PIGU: variants seen among roughly 807,000 people sequenced by gnomAD.
PIGU encodes the protein GPI-anchor transamidase component PIGU.
PIGU carries 24 observed loss-of-function variants against 49.9 expected under a neutral mutation model. The observed-to-expected ratio is 0.48, with a 90% CI of 0.35 to 0.68. The LOEUF is 0.68. PIGU is among the 30% of genes least tolerant of loss of function. The probability of loss-of-function intolerance (pLI) is 0.01; values close to 1 mark genes in which losing one functional copy is unlikely to be tolerated. For synonymous variants in PIGU, 220 were observed against 205.7 expected (o/e 1.07, Z -0.59); for missense variants, 490 against 532.6 (o/e 0.92, Z 0.79).
chr20:34,626,554 C>T (rs1265157170), intron 6 of PIGU, among the ~76,000 whole-genome samples: 3 of 152,088 alleles, frequency 2.0e-5, no homozygotes, highest in African/African-American at 4.8e-5. Flanking sequence ...CCACCTGCCT[C>T]GGCATCCCAA....
At chr20:34,657,346 C>T (rs1568661902) in intron 1 of PIGU, 102 bp from the exon 2 acceptor site, 1 of 761,070 alleles carries the variant, frequency 1.3e-6, no homozygotes, top group South Asian at 1.6e-5. Context: ...GTTTATCTAA[C>T]CCCCTTTACC....
chr20:34,666,687 C>CTTTTTTTTTT (rs918644106), intron 1 of PIGU, among the ~76,000 whole-genome samples: 1 of 90,604 alleles, frequency 1.1e-5, no homozygotes, highest in Non-Finnish European at 2.2e-5. Context: ...CTGACTAATT[C>CTTTTTTTTTT]TTTTTTTTTT....
chr20:34,673,537 T>C (rs1255354338), intron 1 of PIGU, among the ~76,000 whole-genome samples: 1 of 152,186 alleles, frequency 6.6e-6, no homozygotes, highest in African/African-American at 2.4e-5. Context: ...GACCTAAACC[T>C]GTCAGTATTG....
At chr20:34,645,449 T>C (rs1042886919) in intron 2 of PIGU, 115 bp from the exon 3 acceptor site, 6 of 1,310,494 alleles carry the variant, frequency 4.6e-6, no homozygotes, top group Middle Eastern at 4.2e-4. Flanking sequence ...ATGCTAGTAT[T>C]CTCCTTCCTG....
intron 2 of PIGU, among the ~76,000 whole-genome samples, chr20:34,648,716 T>C (rs1986435965): frequency 1.3e-5 from 2 of 151,840 alleles, no homozygotes; most frequent in South Asian, 4.2e-4. Flanking sequence ...ACCCAGATAA[T>C]TTTTGTATTT....
At chr20:34,583,634 G>A (rs1291153871) in intron 9 of PIGU, among the ~76,000 whole-genome samples, 2 of 152,342 alleles carry the variant, frequency 1.3e-5, no homozygotes, top group East Asian at 3.9e-4. Context: ...CGGCCAGTGC[G>A]GAAAGGTGCC....
Position 34,677,071 on chromosome 20 carries a change from C to T in PIGU, c.15G>A (p.Leu5=), listed in dbSNP as rs371637416. Residue 5 remains leucine, a synonymous_variant, in exon 1 of 12, where the codon TTG becomes TTA. Coordinates refer to ENST00000217446, the MANE Select transcript of PIGU (RefSeq NM_080476.5). MAAP[L]VLVLVVAVTV... ...TCACAGCCACCACCAGCACCAGGAC[C>T]AAGGGAGCCGCCATGATAACTGGGG... 1.2e-5 allele frequency: 18 copies of T among 1,564,678 alleles called. No homozygotes were observed. The African/African-American group carries it at 2.2e-4, about 19-fold the overall frequency.
chr20:34,591,039 A>ATAT (rs71194625), intron 7 of PIGU, among the ~76,000 whole-genome samples: 39 of 150,416 alleles, frequency 2.6e-4, no homozygotes, highest in Middle Eastern at 3.4e-3. Flanking sequence ...GAGAAAAAAA[A>ATAT]ATATATATAT....
rs1201557820 is a variant in PIGU, at chr20:34,634,219, A to C, written c.529+396T>G. 2.6e-5 allele frequency among the ~76,000 whole-genome samples: 4 copies of C among 152,156 alleles called. No homozygotes were observed. The East Asian group carries it at 7.7e-4, about 29-fold the overall frequency. Reference sequence around the variant, plus strand: ...CCCAAGTAGTTGGGACTACAGGTACATGCCACTGTGCCAGGCTAATTTTTT... The same window carrying C: ...CCCAAGTAGTTGGGACTACAGGTACCTGCCACTGTGCCAGGCTAATTTTTT... On this transcript the variant is annotated intron_variant, in intron 6 of 11. Transcript: ENST00000217446.
At chr20:34,597,098 C>T (rs1256679626) in intron 7 of PIGU, among the ~76,000 whole-genome samples, 1 of 152,096 alleles carries the variant, frequency 6.6e-6, no homozygotes, top group African/African-American at 2.4e-5. Context: ...TCTAGCAAAG[C>T]TAAACGTACA....
intron 1 of PIGU, among the ~76,000 whole-genome samples, chr20:34,674,664 TG>T (rs1176279916): frequency 6.6e-6 from 1 of 152,056 alleles, no homozygotes; most frequent in Non-Finnish European, 1.5e-5. Context: ...TGGTAGCTTA[TG>T]CCTGTAATCC....
intron 6 of PIGU, among the ~76,000 whole-genome samples, chr20:34,631,785 ATTTTTTTTTTTTTT>A (rs1166878990): frequency 1.4e-3 from 9 of 6,444 alleles, no homozygotes; most frequent in Non-Finnish European, 1.5e-3. Flanking sequence ...ATATATATAT[ATTTTTTTTTTTTTT>A]TTTTTTTTTT....
chr20:34,583,802 C>G (rs1285605805), intron 9 of PIGU, among the ~76,000 whole-genome samples: 1 of 152,182 alleles, frequency 6.6e-6, no homozygotes, highest in Non-Finnish European at 1.5e-5. Flanking sequence ...AGAAGCCAGG[C>G]CAAGGCTGTG....
Position 34,588,492 on chromosome 20 carries a change from A to C in PIGU, c.743T>G (p.Leu248Arg). The C allele has an allele frequency of 6.2e-7, 1 of 1,614,044 alleles. No individual in the cohort carries two copies. Among genetic ancestry groups the C allele is most frequent in the Non-Finnish European group, 8.5e-7 (1 of 1,179,888 alleles). Residue 248 changes from leucine to arginine, a missense_variant, in exon 8 of 12, where the codon CTC (leucine) becomes CGC (arginine). Transcript: ENST00000217446. Reference protein sequence around the residue: ...VVIICLSFFLLSSWDFIPAVY... With the variant: ...VVIICLSFFLRSSWDFIPAVY... ...TGCGGGGATGAAATCCCAAGAGCTG[A>C]GAAGGAAGAAGGAGAGGCAAATGAT...
At chr20:34,602,055 G>A (rs1256876263) in intron 7 of PIGU, among the ~76,000 whole-genome samples, 2 of 152,222 alleles carry the variant, frequency 1.3e-5, no homozygotes, top group African/African-American at 4.8e-5. Flanking sequence ...GCCAAGGCGG[G>A]CAGATCACCT....
chr20:34,603,861 GACACAC>G (rs142929319), intron 7 of PIGU, among the ~76,000 whole-genome samples: 7 of 143,806 alleles, frequency 4.9e-5, no homozygotes, highest in Non-Finnish European at 1.1e-4. Context: ...TTAGTGGACA[GACACAC>G]ACACACACAC....
intron 4 of PIGU, among the ~76,000 whole-genome samples, chr20:34,642,693 C>CTT (rs1986205052): frequency 8.3e-6 from 1 of 120,292 alleles, no homozygotes; most frequent in Non-Finnish European, 1.7e-5. Context: ...ACACATATCT[C>CTT]ATATATATAT....
intron 1 of PIGU, among the ~76,000 whole-genome samples, chr20:34,669,330 AT>A (rs1987230875): frequency 6.6e-6 from 1 of 152,134 alleles, no homozygotes; most frequent in South Asian, 2.1e-4. Context: ...TCTCTGCAAT[AT>A]TTTTGCAAGT....
chr20:34,616,029 A>G lies in PIGU; in HGVS notation c.627+13T>C, dbSNP rs1360132070. 6.2e-7 allele frequency: 1 copy of G among 1,600,894 alleles called. No individual in the cohort carries two copies. The highest frequency in any genetic ancestry group is 1.4e-5 in the African/African-American group (1 of 74,030). On this transcript the variant is annotated intron_variant, in intron 7 of 11. Transcript: ENST00000217446. ...GTCACTTGGGTGCTGGCTTCTGACCAGCAAGTGCTTACCTGGAGGAGATAG... is the reference window on the plus strand; with the variant it reads ...GTCACTTGGGTGCTGGCTTCTGACCGGCAAGTGCTTACCTGGAGGAGATAG...
Sources: gnomAD v4.1 joint callset for allele counts (sites outside exome capture counted in the v4.1 genomes callset) on GRCh38, gnomAD v4.1.1 for gene constraint, MANE v1.5 for transcripts, NCBI Gene and HGNC (gene_info 2026-07-23, HGNC 2026-07-21) for gene names.